The following ROBO1 variants were observed in gnomAD, a reference collection of about 807,000 sequenced individuals.
ROBO1 encodes the protein roundabout guidance receptor 1, also known as roundabout homolog 1.
In ROBO1, 149 loss-of-function variants were observed where a neutral mutation model predicts 195.9. The observed-to-expected ratio is 0.76, with a 90% CI of 0.67 to 0.87. ROBO1 has a LOEUF of 0.87. Among genes scored for constraint, ROBO1 ranks in the 40% least tolerant of loss-of-function variants. The probability of loss-of-function intolerance (pLI) is 0.00; values close to 1 mark genes in which losing one functional copy is unlikely to be tolerated. For missense variants in ROBO1, 1,933 were observed against 2,068.3 expected, an observed-to-expected ratio of 0.93 and a Z score of 1.27; for synonymous variants, 816 against 733.2, an observed-to-expected ratio of 1.11 and a Z score of -1.82.
chr3:78,766,430 T>A (rs756998361), intron 4 of ROBO1, among the ~76,000 whole-genome samples: 5 of 152,154 alleles, frequency 3.3e-5, no homozygotes, highest in Non-Finnish European at 5.9e-5. Context: ...TCGCTGTTGG[T>A]GTATAGAAGA....
chr3:79,335,338 G>A (rs1357520734), intron 2 of ROBO1, among the ~76,000 whole-genome samples: 1 of 152,022 alleles, frequency 6.6e-6, no homozygotes, highest in Non-Finnish European at 1.5e-5. Context: ...AAGTATCTAG[G>A]AATGGTGATA....
intron 2 of ROBO1, among the ~76,000 whole-genome samples, chr3:79,322,903 A>G (rs1404127361): frequency 1.3e-5 from 2 of 152,240 alleles, no homozygotes; most frequent in African/African-American, 2.4e-5. Context: ...ATACATTTCA[A>G]ATTTGCATCA....
intron 29 of ROBO1, among the ~76,000 whole-genome samples, chr3:78,601,200 G>A (rs9865993): frequency 0.98 from 149,582 of 152,230 alleles, 73,539 homozygotes; most frequent in East Asian, 1. Flanking sequence ...CATTGCCTGA[G>A]TGAAGCCTGA....
intron 2 of ROBO1, among the ~76,000 whole-genome samples, chr3:79,576,166 G>C (rs1318756150): frequency 6.6e-6 from 1 of 151,868 alleles, no homozygotes. Flanking sequence ...CAGTATGTAA[G>C]ACCCGCTATT....
chr3:79,282,167 C>T (rs955673580), intron 2 of ROBO1, among the ~76,000 whole-genome samples: 1 of 151,958 alleles, frequency 6.6e-6, no homozygotes, highest in Non-Finnish European at 1.5e-5. Flanking sequence ...GACATTTAGA[C>T]CAACATAGTT....
chr3:78,747,414 AATC>A lies in ROBO1; in HGVS notation c.500-517_500-515del, dbSNP rs376588846. ...ATAAAATTAATGTATAAGGTTATAT[AATC>A]ATCATAATTTAAATATGCTCAATAT... On this transcript the variant is annotated intron_variant, in intron 4 of 30. Coordinates refer to ENST00000464233, the MANE Select transcript of ROBO1 (RefSeq NM_002941.4). Among the ~76,000 whole-genome samples, 844 of 152,250 alleles carry A rather than the reference AATC, an allele frequency of 5.5e-3. 12 individuals are homozygous for A. The highest frequency in any genetic ancestry group is 0.019 in the African/African-American group (798 of 41,548).
chr3:78,603,007 G>A (rs1703263482), intron 29 of ROBO1, among the ~76,000 whole-genome samples: 1 of 152,052 alleles, frequency 6.6e-6, no homozygotes, highest in South Asian at 2.1e-4. Flanking sequence ...GTTTGATTTT[G>A]ACTCTAAAAA....
At chr3:79,315,505 C>T (rs2033691326) in intron 2 of ROBO1, among the ~76,000 whole-genome samples, 1 of 152,088 alleles carries the variant, frequency 6.6e-6, no homozygotes, top group Non-Finnish European at 1.5e-5. Flanking sequence ...AACTTACTGA[C>T]ACAAAGTGCT....
intron 4 of ROBO1, among the ~76,000 whole-genome samples, chr3:78,787,708 C>A (rs1486993457): frequency 2.6e-5 from 4 of 151,912 alleles, no homozygotes; most frequent in African/African-American, 9.7e-5. Context: ...TTTGGGAGAC[C>A]AAGGCAGGGG....
intron 10 of ROBO1, among the ~76,000 whole-genome samples, chr3:78,675,132 T>C (rs7633051): frequency 0.027 from 4,150 of 152,012 alleles, 179 homozygotes; most frequent in African/African-American, 0.095. Flanking sequence ...CTAGTTCTTT[T>C]TCCTTTTTTC....
chr3:79,759,429 TGA>T (rs928922472), intron 1 of ROBO1, among the ~76,000 whole-genome samples: 2 of 152,202 alleles, frequency 1.3e-5, no homozygotes, highest in Non-Finnish European at 2.9e-5. Context: ...AGTCGTACAG[TGA>T]GTCATGCTTC....
chr3:79,547,812 T>C (rs190753870), intron 2 of ROBO1, among the ~76,000 whole-genome samples: 1 of 152,204 alleles, frequency 6.6e-6, no homozygotes, highest in African/African-American at 2.4e-5. Flanking sequence ...TAACTAATGC[T>C]ATCTAATGGA....
chr3:79,701,072 G>A (rs998388151), intron 1 of ROBO1, among the ~76,000 whole-genome samples: 12 of 151,730 alleles, frequency 7.9e-5, no homozygotes, highest in East Asian at 1.9e-4. Flanking sequence ...ACCATTTATC[G>A]AATAGAGAGT....
chr3:79,649,931 A>G (rs988993330), intron 1 of ROBO1, among the ~76,000 whole-genome samples: 4 of 152,092 alleles, frequency 2.6e-5, no homozygotes, highest in Non-Finnish European at 5.9e-5. Flanking sequence ...TAATACAAAT[A>G]GTGTTTAAAG....
intron 1 of ROBO1, among the ~76,000 whole-genome samples, chr3:79,694,119 A>G (rs1947373390): frequency 1.3e-5 from 2 of 151,840 alleles, no homozygotes; most frequent in Admixed American, 1.3e-4. Context: ...ATTCTTCCTT[A>G]AGATTCATAA....
intron 1 of ROBO1, among the ~76,000 whole-genome samples, chr3:79,667,465 A>G (rs944471258): frequency 2.6e-5 from 4 of 151,872 alleles, no homozygotes; most frequent in Admixed American, 6.6e-5. Context: ...AAAATGACCC[A>G]TACACAGGAT....
chr3:78,987,888 C>T (rs1472498840), intron 3 of ROBO1, among the ~76,000 whole-genome samples: 1 of 152,020 alleles, frequency 6.6e-6, no homozygotes, highest in African/African-American at 2.4e-5. Context: ...ATACATACAC[C>T]TACTATGTAC....
chr3:79,620,165 G>T (rs1944959696), intron 1 of ROBO1, among the ~76,000 whole-genome samples: 2 of 152,148 alleles, frequency 1.3e-5, no homozygotes, highest in African/African-American at 2.4e-5. Context: ...TCCCGTCTGT[G>T]CGGGACCCCA....
chr3:79,186,653 C>T (rs1267463007), intron 2 of ROBO1, among the ~76,000 whole-genome samples: 1 of 152,036 alleles, frequency 6.6e-6, no homozygotes, highest in African/African-American at 2.4e-5. Flanking sequence ...TGAGGTATGA[C>T]CATGTGGTTC....
Sources: allele counts gnomAD v4.1 joint callset (sites outside exome capture counted in the v4.1 genomes callset), GRCh38; gene constraint gnomAD v4.1.1; transcripts MANE v1.5; gene names NCBI Gene and HGNC (gene_info 2026-07-23, HGNC 2026-07-21).